The following CENPP variants were observed in gnomAD, a reference collection of about 807,000 sequenced individuals.
CENPP encodes centromere protein P.
In CENPP, 24 loss-of-function variants were observed where a neutral mutation model predicts 35.6. That is an observed-to-expected ratio of 0.67 (90% CI 0.49 to 0.95). The LOEUF (loss-of-function observed/expected upper bound fraction) is 0.95. Among genes scored for constraint, CENPP ranks in the 40% least tolerant of loss-of-function variants. The pLI is 0.00. For missense variants in CENPP, 332 were observed against 345.3 expected (o/e 0.96, Z 0.31); for synonymous variants, 120 against 125.5 (o/e 0.96, Z 0.29).
At chr9:92,505,130 C>T (rs1846920847) in intron 5 of CENPP, among the ~76,000 whole-genome samples, 1 of 152,114 alleles carries the variant, frequency 6.6e-6, no homozygotes, top group African/African-American at 2.4e-5. Flanking sequence ...GTGGTTTTGC[C>T]TGGAATTTGT....
intron 5 of CENPP, among the ~76,000 whole-genome samples, chr9:92,557,611 A>G (rs1263397474): frequency 6.6e-6 from 1 of 151,858 alleles, no homozygotes; most frequent in East Asian, 1.9e-4. Flanking sequence ...GTTCAGTTCT[A>G]TTGCTGAGAC....
intron 5 of CENPP, among the ~76,000 whole-genome samples, chr9:92,511,652 A>G (rs1009854424): frequency 3.3e-5 from 5 of 152,092 alleles, no homozygotes; most frequent in African/African-American, 1.2e-4. Flanking sequence ...GGCCTGAAAA[A>G]TGTTAACAGA....
chr9:92,542,484 T>C (rs1437286183), intron 5 of CENPP, among the ~76,000 whole-genome samples: 1 of 149,190 alleles, frequency 6.7e-6, no homozygotes, highest in Non-Finnish European at 1.5e-5. Flanking sequence ...TCATGGAGCA[T>C]TTCCCCTATG....
intron 4 of CENPP, among the ~76,000 whole-genome samples, chr9:92,364,370 A>G (rs910423072): frequency 6.6e-6 from 1 of 152,038 alleles, no homozygotes; most frequent in Non-Finnish European, 1.5e-5. Flanking sequence ...AGCTTTTTCT[A>G]TGATTTTGGT....
At chr9:92,408,208 A>G (rs1015159059) in intron 5 of CENPP, among the ~76,000 whole-genome samples, 18 of 152,020 alleles carry the variant, frequency 1.2e-4, no homozygotes, top group Non-Finnish European at 8.8e-5. Context: ...TGTTTTTGAG[A>G]CGGAGTCTTG....
At chr9:92,562,201 T>C (rs1213326265) in intron 5 of CENPP, among the ~76,000 whole-genome samples, 1 of 148,850 alleles carries the variant, frequency 6.7e-6, no homozygotes, top group South Asian at 2.1e-4. Context: ...TTCTTTTTTT[T>C]CTTTTCTTTT....
At chr9:92,524,258 A>G (rs1185252025) in intron 5 of CENPP, among the ~76,000 whole-genome samples, 2 of 152,184 alleles carry the variant, frequency 1.3e-5, no homozygotes, top group African/African-American at 4.8e-5. Context: ...TAAGGAGGTA[A>G]GAGTCAGGAA....
At chr9:92,457,374 G>A (rs371868297) in intron 5 of CENPP, 1 of 1,613,642 alleles carries the variant, frequency 6.2e-7, no homozygotes, top group African/African-American at 1.3e-5. Context: ...TATTTCACCG[G>A]GTTGTTGAAT....
chr9:92,567,399 T>TATATAG (rs1554688332), intron 5 of CENPP, among the ~76,000 whole-genome samples: 7 of 136,210 alleles, frequency 5.1e-5, no homozygotes, highest in African/African-American at 1.3e-4. Context: ...TATATATAGA[T>TATATAG]ATATATATAA....
intron 5 of CENPP, among the ~76,000 whole-genome samples, chr9:92,606,397 G>T (rs778030903): frequency 1.1e-4 from 17 of 152,146 alleles, no homozygotes; most frequent in Non-Finnish European, 2.2e-4. Flanking sequence ...TGTTGATGGG[G>T]CTATGGAGAA....
chr9:92,557,349 G>A (rs754920785), intron 5 of CENPP, among the ~76,000 whole-genome samples: 4 of 152,178 alleles, frequency 2.6e-5, no homozygotes, highest in Non-Finnish European at 5.9e-5. Context: ...TGTGCTTCTT[G>A]TATTTGGATG....
At position 92,355,227 on chromosome 9, in the gene CENPP, C is replaced by A. The variant is rs531371655; in HGVS notation, c.467+9440C>A. Among the ~76,000 whole-genome samples the A allele has an allele frequency of 3.3e-5, 5 of 152,224 alleles. No individual in the cohort carries two copies. In the East Asian group the frequency reaches 9.6e-4, roughly 29 times the overall value. On this transcript the variant is annotated intron_variant, in intron 4 of 7. Coordinates refer to ENST00000375587, the MANE Select transcript of CENPP (RefSeq NM_001012267.3). ...CAGGAGACCAGGGCGTATCTCAGTC[C>A]TTATCTCAACTGCATAAGACAGACA...
At chr9:92,567,393 T>TATATATATATATATATATATATATATAG (rs1554688302) in intron 5 of CENPP, among the ~76,000 whole-genome samples, 1 of 124,918 alleles carries the variant, frequency 8.0e-6, no homozygotes, top group Non-Finnish European at 1.6e-5. Flanking sequence ...TATATATATA[T>TATATATATATATATATATATATATATAG]ATAGATATAT....
intron 5 of CENPP, among the ~76,000 whole-genome samples, chr9:92,417,879 A>G (rs1843666767): frequency 6.6e-6 from 1 of 151,754 alleles, no homozygotes; most frequent in Non-Finnish European, 1.5e-5. Flanking sequence ...GGTGCATGCC[A>G]CTATGCCCAG....
intron 5 of CENPP, among the ~76,000 whole-genome samples, chr9:92,575,284 A>T (rs1237569488): frequency 6.6e-6 from 1 of 152,236 alleles, no homozygotes; most frequent in Non-Finnish European, 1.5e-5. Flanking sequence ...AAATAGGACA[A>T]AATTTTGCAA....
intron 3 of CENPP, among the ~76,000 whole-genome samples, chr9:92,342,302 A>G (rs1306255071): frequency 6.6e-6 from 1 of 152,254 alleles, no homozygotes; most frequent in Admixed American, 6.5e-5. Context: ...GCAAGAAAAA[A>G]GTATAAATAG....
At position 92,601,722 on chromosome 9, in the gene CENPP, A is replaced by G. The variant is rs541781050; in HGVS notation, c.565-9592A>G. ...CAGCAGGCACTCTTGGGAGACTGTA[A>G]ATCGGCTGATCAAACAAGGGGATAC... On this transcript the variant is annotated intron_variant, in intron 5 of 7. Coordinates refer to ENST00000375587, the MANE Select transcript of CENPP (RefSeq NM_001012267.3). Among the ~76,000 whole-genome samples the G allele has an allele frequency of 3.3e-5, 5 of 152,342 alleles. No individual in the cohort carries two copies. In the South Asian group the frequency reaches 1.0e-3, roughly 32 times the overall value.
At chr9:92,499,980 G>A (rs1846573419) in intron 5 of CENPP, among the ~76,000 whole-genome samples, 1 of 152,170 alleles carries the variant, frequency 6.6e-6, no homozygotes, top group Admixed American at 6.5e-5. Flanking sequence ...AGTAGGGAAA[G>A]TGAGTCTTAA....
At chr9:92,505,524 T>C (rs1846947820) in intron 5 of CENPP, 3 of 1,579,098 alleles carry the variant, frequency 1.9e-6, no homozygotes, top group African/African-American at 1.4e-5. Flanking sequence ...TAAAAAAATA[T>C]ATTGTTACCT....
Sources: gnomAD v4.1 joint callset for allele counts (sites outside exome capture counted in the v4.1 genomes callset) on GRCh38, gnomAD v4.1.1 for gene constraint, MANE v1.5 for transcripts, NCBI Gene and HGNC (gene_info 2026-07-23, HGNC 2026-07-21) for gene names.